The following TBX15 variants were observed in gnomAD, a reference collection of about 807,000 sequenced individuals.
TBX15 encodes T-box transcription factor TBX15.
Under a neutral mutation model 53.9 loss-of-function variants are expected in TBX15, and 18 were observed. That is an observed-to-expected ratio of 0.33 (90% CI 0.23 to 0.49). The LOEUF (loss-of-function observed/expected upper bound fraction) is 0.49, where lower values mean the gene tolerates loss of function less well. TBX15 is among the 20% of genes least tolerant of loss of function. The pLI is 0.98. For missense variants in TBX15, 692 were observed against 749.5 expected (o/e 0.92, Z 0.90); for synonymous variants, 295 against 278.0 (o/e 1.06, Z -0.61).
chr1:118,924,599 A>C, intron 4 of TBX15, 47 bp downstream of exon 4: 1 of 1,612,228 alleles, frequency 6.2e-7, no homozygotes, highest in Non-Finnish European at 8.5e-7. Context: ...CTCTAAAGCA[A>C]ACAGAGGAAG....
intron 6 of TBX15, among the ~76,000 whole-genome samples, chr1:118,908,659 C>A (rs1487064050): frequency 6.6e-6 from 1 of 152,014 alleles, no homozygotes; most frequent in East Asian, 1.9e-4. Context: ...TGCCTGGAAG[C>A]AAAATCTGTC....
At chr1:118,924,178 C>A (rs1163509800) in intron 4 of TBX15, among the ~76,000 whole-genome samples, 1 of 152,164 alleles carries the variant, frequency 6.6e-6, no homozygotes, top group East Asian at 1.9e-4. Flanking sequence ...TGTTTCACTG[C>A]CAAAGATAAA....
At position 118,932,043 on chromosome 1, in the gene TBX15, G is replaced by A. The variant is rs959943723; in HGVS notation, c.206-211C>T. On this transcript the variant is annotated intron_variant, in intron 1 of 7. Coordinates refer to ENST00000369429, the MANE Select transcript of TBX15 (RefSeq NM_001330677.2). ...GATTTATGACCTTCTTTCAGGTTTC[G>A]TGTTTCCAACATGACATCTGGCATT... 7.2e-5 allele frequency among the ~76,000 whole-genome samples: 11 copies of A among 152,138 alleles called. No individual in the cohort carries two copies. The East Asian group carries it at 9.7e-4, about 13-fold the overall frequency.
intron 6 of TBX15, among the ~76,000 whole-genome samples, chr1:118,904,302 C>T (rs1445128081): frequency 1.3e-5 from 2 of 152,052 alleles, no homozygotes; most frequent in Non-Finnish European, 2.9e-5. Flanking sequence ...GATTTTCTTG[C>T]TTGGTTTAGG....
In TBX15 at chr1:118,950,482, G is replaced by A. The variant is rs1476632430; in HGVS notation, c.206-18650C>T. On this transcript the variant is annotated intron_variant, in intron 1 of 7. Coordinates refer to ENST00000369429, the MANE Select transcript of TBX15 (RefSeq NM_001330677.2). ...CTTTGGCCTTAAACATAGTTTAAAT[G>A]AGGACAAGAGCCATGTTGGACCATT... 2.6e-5 allele frequency among the ~76,000 whole-genome samples: 4 copies of A among 152,236 alleles called. No homozygotes were observed. In the South Asian group the frequency reaches 8.3e-4, roughly 32 times the overall value.
chr1:118,899,439 A>C (rs564009686), intron 6 of TBX15, among the ~76,000 whole-genome samples: 1 of 152,298 alleles, frequency 6.6e-6, no homozygotes, highest in South Asian at 2.1e-4. Flanking sequence ...CAAGGCCACT[A>C]ATATCATGAG....
chr1:118,969,718 G>C (rs1657169134), intron 1 of TBX15, among the ~76,000 whole-genome samples: 1 of 152,226 alleles, frequency 6.6e-6, no homozygotes, highest in South Asian at 2.1e-4. Context: ...AATGTATCTT[G>C]AAGAAGTATC....
chr1:118,894,955 C>A (rs941843595), intron 7 of TBX15, among the ~76,000 whole-genome samples: 1 of 152,050 alleles, frequency 6.6e-6, no homozygotes. Flanking sequence ...ATAAGCCATA[C>A]GTATGGGCAT....
At chr1:118,963,071 C>T (rs1656930635) in intron 1 of TBX15, among the ~76,000 whole-genome samples, 1 of 152,146 alleles carries the variant, frequency 6.6e-6, no homozygotes, top group African/African-American at 2.4e-5. Context: ...CTCTGAAAGT[C>T]TTTCTAACCT....
intron 1 of TBX15, among the ~76,000 whole-genome samples, chr1:118,935,643 C>A (rs73007572): frequency 6.6e-6 from 1 of 151,994 alleles, no homozygotes; most frequent in Non-Finnish European, 1.5e-5. Flanking sequence ...CTATTCTCAT[C>A]CCCCCAAAAA....
intron 5 of TBX15, among the ~76,000 whole-genome samples, chr1:118,920,654 G>C (rs1266974369): frequency 1.3e-5 from 2 of 152,106 alleles, no homozygotes; most frequent in Non-Finnish European, 2.9e-5. Context: ...ATTATCACTG[G>C]GCTTTACAAT....
intron 6 of TBX15, among the ~76,000 whole-genome samples, chr1:118,900,164 G>A (rs528165831): frequency 2.0e-5 from 3 of 152,228 alleles, no homozygotes; most frequent in Non-Finnish European, 2.9e-5. Context: ...AGAAGTGTGG[G>A]ACCTGTGAGA....
intron 1 of TBX15, among the ~76,000 whole-genome samples, chr1:118,957,278 G>GA (rs1656723200): frequency 1.3e-5 from 2 of 152,156 alleles, no homozygotes; most frequent in Admixed American, 6.5e-5. Context: ...GACCAATCCA[G>GA]TGAGGGTCAG....
At chr1:118,887,889 T>G (rs1327585166) in intron 7 of TBX15, among the ~76,000 whole-genome samples, 1 of 152,224 alleles carries the variant, frequency 6.6e-6, no homozygotes, top group African/African-American at 2.4e-5. Context: ...ATTTGGCTGT[T>G]GTTATTATAA....
At chr1:118,920,604 C>G (rs1005017380) in intron 5 of TBX15, among the ~76,000 whole-genome samples, 2 of 152,106 alleles carry the variant, frequency 1.3e-5, no homozygotes, top group Non-Finnish European at 2.9e-5. Context: ...TCCCTAGGCA[C>G]TGAGGAGTCA....
intron 1 of TBX15, among the ~76,000 whole-genome samples, chr1:118,961,279 T>A (rs1656863521): frequency 6.6e-6 from 1 of 152,244 alleles, no homozygotes; most frequent in Admixed American, 6.5e-5. Context: ...GAATGGTGTT[T>A]ATTCATCTTT....
chr1:118,924,857 G>A, intron 3 of TBX15, 40 bp from the exon 4 acceptor site: 1 of 1,611,682 alleles, frequency 6.2e-7, no homozygotes, highest in South Asian at 1.1e-5. Flanking sequence ...AGAGACAGAG[G>A]CAGAGAAGGG....
rs565062381 is a variant in TBX15, at chr1:118,984,834, G to T, written c.205+2757C>A. Among the ~76,000 whole-genome samples, 12 of 152,290 alleles carry T rather than the reference G, an allele frequency of 7.9e-5. No individual in the cohort carries two copies. In the South Asian group the frequency reaches 2.5e-3, roughly 32 times the overall value. On this transcript the variant is annotated intron_variant, in intron 1 of 7. Coordinates refer to ENST00000369429, the MANE Select transcript of TBX15 (RefSeq NM_001330677.2). ...TCTGTGGAGTGAGTGCCTACAACGC[G>T]CAGGCCGGACTGATCCCCCGTTGCT...
In TBX15 at chr1:118,885,012, G is replaced by C. The variant is rs1173456496; in HGVS notation, c.1529C>G (p.Ser510Cys). 6.2e-7 allele frequency: 1 copy of C among 1,614,164 alleles called. No individual in the cohort carries two copies. The highest frequency in any genetic ancestry group is 8.5e-7 in the Non-Finnish European group (1 of 1,180,036). Residue 510 changes from serine (S) to cysteine (C), a missense_variant, in exon 8 of 8, where the codon TCC (serine) becomes TGC (cysteine). Ser to Cys is a moderately radical substitution (Grantham distance 112). Coordinates refer to ENST00000369429, the MANE Select transcript of TBX15 (RefSeq NM_001330677.2). ...ATACAGGTTGTAAGGGTTGTGAAGGGAGAAGGCATTGTAGGAGCTCTGCTG... is the reference window on the plus strand; with the variant it reads ...ATACAGGTTGTAAGGGTTGTGAAGGCAGAAGGCATTGTAGGAGCTCTGCTG... Reference protein sequence around the residue: ...HMQQSSYNAFSLHNPYNLYGY... With the variant: ...HMQQSSYNAFCLHNPYNLYGY...
Sources: gnomAD v4.1 joint callset for allele counts (sites outside exome capture counted in the v4.1 genomes callset) on GRCh38, gnomAD v4.1.1 for gene constraint, MANE v1.5 for transcripts, NCBI Gene and HGNC (gene_info 2026-07-23, HGNC 2026-07-21) for gene names.